The following STAG1 variants were observed in gnomAD, a reference collection of about 807,000 sequenced individuals.
STAG1 encodes STAG1 cohesin complex component, also known as cohesin subunit SA-1.
A neutral mutation model predicts 170.9 loss-of-function variants in STAG1; 26 were observed. The ratio of observed to expected loss-of-function variants is 0.15; its 90% CI spans 0.11 to 0.21. The LOEUF (loss-of-function observed/expected upper bound fraction) is 0.21, where lower values mean the gene tolerates loss of function less well. STAG1 is among the 10% of genes least tolerant of loss of function. The probability of loss-of-function intolerance (pLI) is 1.00; values close to 1 mark genes in which losing one functional copy is unlikely to be tolerated. For missense variants in STAG1, 964 were observed against 1,509.5 expected, an observed-to-expected ratio of 0.64 and a Z score of 5.99; for synonymous variants, 514 against 497.7, an observed-to-expected ratio of 1.03 and a Z score of -0.44.
intron 23 of STAG1, among the ~76,000 whole-genome samples, chr3:136,376,984 G>A (rs111665115): frequency 7.3e-5 from 11 of 151,070 alleles, no homozygotes; most frequent in Admixed American, 3.3e-4. Flanking sequence ...TAGTACAGAC[G>A]GGGTTGACAG....
intron 3 of STAG1, among the ~76,000 whole-genome samples, chr3:136,622,568 A>T (rs1939915017): frequency 6.6e-6 from 1 of 152,192 alleles, no homozygotes; most frequent in Non-Finnish European, 1.5e-5. Context: ...AATTTTCATA[A>T]AATAGAAAAG....
chr3:136,412,835 T>C (rs1036082709), intron 21 of STAG1, among the ~76,000 whole-genome samples: 1 of 151,158 alleles, frequency 6.6e-6, no homozygotes, highest in Non-Finnish European at 1.5e-5. Flanking sequence ...AAAAAATTGT[T>C]AAAGGTTGGG....
chr3:136,600,617 T>C (rs1938618649), intron 4 of STAG1, among the ~76,000 whole-genome samples: 3 of 152,096 alleles, frequency 2.0e-5, no homozygotes, highest in African/African-American at 7.2e-5. Context: ...ATGCAACCTC[T>C]ACCTCCCGGG....
intron 4 of STAG1, among the ~76,000 whole-genome samples, chr3:136,602,002 A>C (rs1938697149): frequency 1.3e-5 from 2 of 152,196 alleles, no homozygotes; most frequent in Non-Finnish European, 2.9e-5. Context: ...TATTAAAAAT[A>C]AGGACTGGCA....
At chr3:136,454,924 G>GATACACC (rs1317687197) in intron 13 of STAG1, among the ~76,000 whole-genome samples, 1 of 152,018 alleles carries the variant, frequency 6.6e-6, no homozygotes, top group African/African-American at 2.4e-5. Context: ...AACTCCTGGG[G>GATACACC]ATACACCATA....
At chr3:136,706,542 A>G (rs576502644) in intron 1 of STAG1, among the ~76,000 whole-genome samples, 1 of 152,252 alleles carries the variant, frequency 6.6e-6, no homozygotes, top group Non-Finnish European at 1.5e-5. Context: ...AGAGAACTAT[A>G]AAACACTGTT....
At chr3:136,560,794 G>A (rs1936808194) in intron 5 of STAG1, among the ~76,000 whole-genome samples, 1 of 152,198 alleles carries the variant, frequency 6.6e-6, no homozygotes, top group African/African-American at 2.4e-5. Context: ...CAAGAGCCAA[G>A]ATGAGAAAAT....
intron 23 of STAG1, among the ~76,000 whole-genome samples, chr3:136,372,731 G>A (rs569823486): frequency 3.0e-4 from 45 of 152,236 alleles, no homozygotes; most frequent in African/African-American, 1.1e-3. Context: ...TTTTTGATGT[G>A]CTGCTGGATT....
intron 32 of STAG1, among the ~76,000 whole-genome samples, chr3:136,339,652 A>G (rs145415580): frequency 6.6e-6 from 1 of 152,282 alleles, no homozygotes; most frequent in East Asian, 1.9e-4. Context: ...AAATTGTCAA[A>G]CATTTGGCCA....
intron 6 of STAG1, among the ~76,000 whole-genome samples, chr3:136,538,559 C>G (rs966089707): frequency 3.3e-5 from 5 of 152,042 alleles, no homozygotes; most frequent in Non-Finnish European, 2.9e-5. Flanking sequence ...ATTGAAATTA[C>G]AGGCATGTGC....
In STAG1 at chr3:136,712,661, C is replaced by G. The variant is rs552774251; in HGVS notation, c.-84+39534G>C. 3.6e-4 allele frequency among the ~76,000 whole-genome samples: 55 copies of G among 152,302 alleles called. 1 individual carries two copies. In the South Asian group the frequency reaches 0.011, roughly 32 times the overall value. On this transcript the variant is annotated intron_variant, in intron 1 of 33. Transcript: ENST00000383202. Reference sequence around the variant, plus strand: ...GAATATAAAAGGGAATTCTCACATGCTGCTGTTGGAAGAAAAGTTCAGTAA... The same window carrying G: ...GAATATAAAAGGGAATTCTCACATGGTGCTGTTGGAAGAAAAGTTCAGTAA...
chr3:136,341,370 CCAAGT>C (rs1399122444), intron 31 of STAG1, 66 bp downstream of exon 31: 17 of 1,031,998 alleles, frequency 1.6e-5, no homozygotes, highest in Non-Finnish European at 2.5e-5. Context: ...TCAAAGAAAC[CCAAGT>C]CATTTCACAA....
At chr3:136,587,125 G>A (rs544254742) in intron 4 of STAG1, among the ~76,000 whole-genome samples, 11 of 150,738 alleles carry the variant, frequency 7.3e-5, no homozygotes, top group Admixed American at 5.3e-4. Flanking sequence ...TTTAAGACAC[G>A]TTAAAATACC....
intron 9 of STAG1, 28 bp downstream of exon 9, chr3:136,500,195 C>G (rs1274574883): frequency 1.4e-6 from 2 of 1,394,070 alleles, no homozygotes; most frequent in African/African-American, 2.9e-5. Flanking sequence ...AGTGAAAAGC[C>G]TTCAAAATTA....
At chr3:136,607,760 C>T (rs578158413) in intron 3 of STAG1, among the ~76,000 whole-genome samples, 88 of 152,334 alleles carry the variant, frequency 5.8e-4, no homozygotes, top group Admixed American at 1.2e-3. Context: ...CCAATGGGAG[C>T]TCTTTTAGTT....
chr3:136,393,020 A>G (rs1430669506), intron 22 of STAG1, among the ~76,000 whole-genome samples: 2 of 152,134 alleles, frequency 1.3e-5, no homozygotes, highest in Non-Finnish European at 2.9e-5. Context: ...CTATAACTGT[A>G]TAAATGACTA....
At chr3:136,655,260 A>G (rs930276670) in intron 1 of STAG1, among the ~76,000 whole-genome samples, 5 of 152,242 alleles carry the variant, frequency 3.3e-5, no homozygotes, top group African/African-American at 1.2e-4. Context: ...AATATCCAGA[A>G]CAAATAACTT....
intron 4 of STAG1, among the ~76,000 whole-genome samples, chr3:136,584,081 A>G (rs1163776446): frequency 6.6e-6 from 1 of 152,230 alleles, no homozygotes; most frequent in Non-Finnish European, 1.5e-5. Flanking sequence ...AGCCAATAAA[A>G]CTTTTTAAAT....
intron 11 of STAG1, among the ~76,000 whole-genome samples, 193 bp from the exon 12 acceptor site, chr3:136,472,685 T>G (rs2107813002): frequency 6.6e-6 from 1 of 152,334 alleles, no homozygotes; most frequent in African/African-American, 2.4e-5. Context: ...TAATTTAAAA[T>G]CTTTCTCAAC....
Sources: allele counts gnomAD v4.1 joint callset (sites outside exome capture counted in the v4.1 genomes callset), GRCh38; gene constraint gnomAD v4.1.1; transcripts MANE v1.5; gene names NCBI Gene and HGNC (gene_info 2026-07-23, HGNC 2026-07-21).